The following MAPK10 variants were observed in gnomAD, a reference collection of about 807,000 sequenced individuals.
MAPK10 encodes the protein JNK3 alpha protein kinase.
In MAPK10, 25 loss-of-function variants were observed where a neutral mutation model predicts 59.3. The ratio of observed to expected loss-of-function variants is 0.42; its 90% confidence interval spans 0.31 to 0.59. The LOEUF (loss-of-function observed/expected upper bound fraction) is 0.59, where lower values mean the gene tolerates loss of function less well. MAPK10 is among the 20% of genes least tolerant of loss of function. The pLI is 0.15. For missense variants in MAPK10, 351 were observed against 568.9 expected (o/e 0.62, Z 3.90); for synonymous variants, 190 against 200.5 (o/e 0.95, Z 0.44).
intron 11 of MAPK10, among the ~76,000 whole-genome samples, chr4:86,061,343 TTG>T (rs1412933565): frequency 3.3e-5 from 5 of 152,210 alleles, no homozygotes; most frequent in African/African-American, 9.6e-5. Flanking sequence ...TATACACGAT[TTG>T]TGTGTTCTAC....
intron 2 of MAPK10, among the ~76,000 whole-genome samples, chr4:86,229,464 T>C (rs2091204327): frequency 6.6e-6 from 1 of 152,190 alleles, no homozygotes; most frequent in Admixed American, 6.5e-5. Flanking sequence ...TTCAGTCACA[T>C]GGAAATAACT....
intron 1 of MAPK10, among the ~76,000 whole-genome samples, chr4:86,370,503 G>A (rs1372904922): frequency 1.3e-5 from 2 of 152,070 alleles, no homozygotes; most frequent in East Asian, 3.9e-4. Flanking sequence ...AAAACTCTAT[G>A]CTAGAGATTA....
At chr4:86,127,288 T>C (rs2060230738) in intron 4 of MAPK10, among the ~76,000 whole-genome samples, 2 of 151,716 alleles carry the variant, frequency 1.3e-5, no homozygotes, top group African/African-American at 2.4e-5. Flanking sequence ...CACTTTTGCA[T>C]TGAGAGCATA....
intron 1 of MAPK10, among the ~76,000 whole-genome samples, chr4:86,546,514 G>A (rs1232132808): frequency 1.3e-5 from 2 of 150,008 alleles, no homozygotes; most frequent in South Asian, 2.1e-4. Context: ...ACGAGATCGC[G>A]CTACTGCACT....
chr4:86,143,214 C>CG (rs1392845651), intron 4 of MAPK10, among the ~76,000 whole-genome samples: 2 of 152,066 alleles, frequency 1.3e-5, no homozygotes, highest in African/African-American at 4.8e-5. Flanking sequence ...AAGAACAGCA[C>CG]GGGGGAAAAT....
At chr4:86,151,323 G>C (rs965263405) in intron 4 of MAPK10, among the ~76,000 whole-genome samples, 1 of 152,190 alleles carries the variant, frequency 6.6e-6, no homozygotes, top group Non-Finnish European at 1.5e-5. Flanking sequence ...TTTCATGAAA[G>C]TTGTAAAAGG....
chr4:86,310,913 T>C (rs1482202973), intron 2 of MAPK10, among the ~76,000 whole-genome samples: 3 of 152,078 alleles, frequency 2.0e-5, no homozygotes, highest in South Asian at 4.1e-4. Context: ...CATTAGAACA[T>C]TACTTTTAAG....
chr4:86,060,750 G>A lies in MAPK10; in HGVS notation c.1110+3516C>T, dbSNP rs3775185. ...ATTTTGGTTTAAACTAATGACACTA[G>A]ATTTTCTTCTACCTGGCAAAGAAGA... On this transcript the variant is annotated intron_variant, in intron 11 of 13. Coordinates refer to ENST00000641462, the MANE Select transcript of MAPK10 (RefSeq NM_138982.4). 3.8e-3 allele frequency among the ~76,000 whole-genome samples: 580 copies of A among 152,098 alleles called. 3 individuals are homozygous for A. The highest frequency in any genetic ancestry group is 6.4e-3 in the Non-Finnish European group (436 of 67,984).
intron 1 of MAPK10, among the ~76,000 whole-genome samples, chr4:86,476,564 G>T (rs1380405412): frequency 1.3e-5 from 2 of 152,092 alleles, no homozygotes; most frequent in Admixed American, 1.3e-4. Context: ...AGGTCAGAAG[G>T]CCGTCTTATT....
At chr4:86,418,747 A>G (rs1746153199) in intron 1 of MAPK10, among the ~76,000 whole-genome samples, 1 of 152,228 alleles carries the variant, frequency 6.6e-6, no homozygotes, top group Admixed American at 6.5e-5. Flanking sequence ...ACAGTTCACA[A>G]TTGCAAAAAT....
At position 86,014,524 on chromosome 4, in the gene MAPK10, C is replaced by G. The variant is rs1742546102; in HGVS notation, c.*2704G>C. 1 of 152,010 alleles carries G rather than the reference C, an allele frequency of 6.6e-6. No individual in the cohort carries two copies. 9.4% of individuals were successfully genotyped at this position (152,010 alleles called of 1,614,324 possible). ...GCTTTAATCACCTAATAAAACTGAT[C>G]CTGCAAAAATTCTGGGGGCCAAATC... On this transcript the variant is annotated 3_prime_UTR_variant, in exon 14 of 14. Coordinates refer to ENST00000641462, the MANE Select transcript of MAPK10 (RefSeq NM_138982.4).
intron 2 of MAPK10, among the ~76,000 whole-genome samples, chr4:86,286,530 A>C (rs1270220308): frequency 6.6e-6 from 1 of 152,206 alleles, no homozygotes; most frequent in Non-Finnish European, 1.5e-5. Flanking sequence ...CAACCAGATG[A>C]TATAGGTTCT....
intron 1 of MAPK10, among the ~76,000 whole-genome samples, chr4:86,505,512 C>T (rs1755677300): frequency 6.6e-6 from 1 of 151,970 alleles, no homozygotes. Flanking sequence ...GGTGTTTGAG[C>T]CTAGTTCAAG....
rs968610257 is a variant in MAPK10, at chr4:86,418,552, A to G, written c.-122+34478T>C. Reference sequence around the variant, plus strand: ...CAAACTACTCAAACCATGTTACTATAAAATGTTCCTCCTCCTTTTGTTTTT... The same window carrying G: ...CAAACTACTCAAACCATGTTACTATGAAATGTTCCTCCTCCTTTTGTTTTT... On this transcript the variant is annotated intron_variant, in intron 1 of 13. Coordinates refer to the MAPK10 transcript ENST00000361569. Among the ~76,000 whole-genome samples, 3 of 152,224 alleles carry G rather than the reference A, an allele frequency of 2.0e-5. 1 individual carries two copies. Among genetic ancestry groups the G allele is most frequent in the Admixed American group, 2.0e-4 (3 of 15,282 alleles).
At chr4:86,583,759 T>G (rs72665760) in intron 1 of MAPK10, among the ~76,000 whole-genome samples, 1 of 152,232 alleles carries the variant, frequency 6.6e-6, no homozygotes, top group Non-Finnish European at 1.5e-5. Flanking sequence ...GTCTTTCTGA[T>G]GCACTGCCCT....
intron 12 of MAPK10, among the ~76,000 whole-genome samples, chr4:86,030,728 T>C (rs938160232): frequency 2.0e-5 from 3 of 152,194 alleles, no homozygotes; most frequent in African/African-American, 7.2e-5. Context: ...TTTCTTTTCC[T>C]AATTTACACT....
chr4:86,135,628 G>A lies in MAPK10; in HGVS notation c.236+23670C>T, dbSNP rs549348185. ...AACCGGAAACTCTAAAAAGCAGAGC[G>A]CCTCTCCTCCTCCAAAGGAACTCAG... is the stretch of plus-strand genomic sequence containing the variant. On this transcript the variant is annotated intron_variant, in intron 4 of 13. Coordinates refer to ENST00000641462, the MANE Select transcript of MAPK10 (RefSeq NM_138982.4). Among the ~76,000 whole-genome samples, 780 of 152,218 alleles carry A rather than the reference G, an allele frequency of 5.1e-3. 3 individuals are homozygous for A. Among genetic ancestry groups the A allele is most frequent in the African/African-American group, 0.017 (722 of 41,510 alleles).
At chr4:86,293,938 A>G (rs2095293532) in intron 2 of MAPK10, among the ~76,000 whole-genome samples, 1 of 152,136 alleles carries the variant, frequency 6.6e-6, no homozygotes, top group South Asian at 2.1e-4. Context: ...TTCCGAGGAG[A>G]CAAATATCCA....
intron 1 of MAPK10, among the ~76,000 whole-genome samples, chr4:86,549,129 G>T (rs1426103094): frequency 6.6e-6 from 1 of 151,902 alleles, no homozygotes; most frequent in African/African-American, 2.4e-5. Context: ...TAAACATCAA[G>T]TAAAAATAAA....
Sources: allele counts gnomAD v4.1 joint callset (sites outside exome capture counted in the v4.1 genomes callset), GRCh38; gene constraint gnomAD v4.1.1; transcripts MANE v1.5; gene names NCBI Gene and HGNC (gene_info 2026-07-23, HGNC 2026-07-21).